The following TTC28 variants were observed in gnomAD, a reference collection of about 807,000 sequenced individuals.
TTC28 encodes tetratricopeptide repeat protein 28.
Under a neutral mutation model 198.0 loss-of-function variants are expected in TTC28, and 61 were observed. The ratio of observed to expected loss-of-function variants is 0.31; its 90% CI spans 0.25 to 0.38. TTC28 has a LOEUF of 0.38. Among genes scored for constraint, TTC28 ranks in the 10% least tolerant of loss-of-function variants. The probability of loss-of-function intolerance (pLI) is 1.00; values close to 1 mark genes in which losing one functional copy is unlikely to be tolerated. For missense variants in TTC28, 2,678 were observed against 3,164.0 expected (o/e 0.85, Z 3.69); for synonymous variants, 1,171 against 1,297.8 (o/e 0.90, Z 2.10).
At chr22:28,678,904 G>A (rs2052044379) in intron 1 of TTC28, among the ~76,000 whole-genome samples, 3 of 152,146 alleles carry the variant, frequency 2.0e-5, no homozygotes, top group Non-Finnish European at 4.4e-5. Context: ...CGGCTTCCCT[G>A]CTGTGGTGAG....
chr22:27,982,348 G>C lies in TTC28; in HGVS notation c.7319C>G (p.Ser2440Trp), dbSNP rs887416829. 6.5e-7 allele frequency: 1 copy of C among 1,546,954 alleles called. No individual in the cohort carries two copies. The highest frequency in any genetic ancestry group is 1.4e-5 in the African/African-American group (1 of 73,088). The change falls in exon 23 of 23, where the codon TCG becomes TGG. Residue 2440 changes from serine (S) to tryptophan (W), a missense_variant. This residue lies in a region of TTC28 where 622 missense variants were observed against 656.0 expected (regional missense o/e 0.95). Coordinates refer to ENST00000397906, the MANE Select transcript of TTC28 (RefSeq NM_001145418.2). The surrounding 1 kb of genome is among the most constrained non-coding windows in gnomAD (Gnocchi z 5.2). ...GGCGGGCAGCGGCAGTGAGCCCAGCGAGGTGGTCTCGGTGCGCCAGTGTCC... is the reference window on the plus strand; with the variant it reads ...GGCGGGCAGCGGCAGTGAGCCCAGCCAGGTGGTCTCGGTGCGCCAGTGTCC... The part of the protein sequence containing the change: ...PNGHWRTETT[S>W]LGSLPLPAGP...
intron 1 of TTC28, among the ~76,000 whole-genome samples, chr22:28,637,244 C>T (rs951682771): frequency 6.6e-6 from 1 of 151,942 alleles, no homozygotes; most frequent in African/African-American, 2.4e-5. Context: ...TCTCCCGACC[C>T]CAGGTGATCC....
intron 5 of TTC28, among the ~76,000 whole-genome samples, chr22:28,180,136 T>A (rs1348710457): frequency 6.6e-6 from 1 of 152,170 alleles, no homozygotes; most frequent in Non-Finnish European, 1.5e-5. Flanking sequence ...GAAAACTGAA[T>A]CATGTTCTTG....
chr22:28,349,390 GTA>G (rs2045957985), intron 2 of TTC28, among the ~76,000 whole-genome samples: 1 of 152,198 alleles, frequency 6.6e-6, no homozygotes, highest in Admixed American at 6.5e-5. Flanking sequence ...ACATTGCTCA[GTA>G]TAGTCACTGA....
At chr22:28,416,697 T>C in intron 2 of TTC28, among the ~76,000 whole-genome samples, 1 of 152,092 alleles carries the variant, frequency 6.6e-6, no homozygotes, top group East Asian at 1.9e-4. Flanking sequence ...CCCTTACCAA[T>C]CTTCACAACC....
intron 1 of TTC28, among the ~76,000 whole-genome samples, chr22:28,646,048 T>C (rs576511312): frequency 3.3e-5 from 5 of 152,028 alleles, no homozygotes; most frequent in African/African-American, 1.2e-4. Flanking sequence ...TTCTATTCAA[T>C]ACAGTACTGA....
chr22:28,261,984 C>T (rs1265678701), intron 5 of TTC28, among the ~76,000 whole-genome samples: 4 of 152,046 alleles, frequency 2.6e-5, no homozygotes, highest in African/African-American at 9.7e-5. Context: ...TAGAAGACTC[C>T]TAACTAAACT....
intron 2 of TTC28, among the ~76,000 whole-genome samples, chr22:28,399,511 G>T (rs935787969): frequency 5.3e-5 from 8 of 151,840 alleles, no homozygotes; most frequent in Admixed American, 4.6e-4. Context: ...GAAACGAGGT[G>T]CCTGGGCTGT....
chr22:28,228,166 TCA>T (rs1928496149), intron 5 of TTC28, among the ~76,000 whole-genome samples: 1 of 151,516 alleles, frequency 6.6e-6, no homozygotes, highest in African/African-American at 2.4e-5. Context: ...GTAAACAAAT[TCA>T]CAGAGACAGA....
At chr22:28,059,744 T>C (rs1460107800) in intron 12 of TTC28, among the ~76,000 whole-genome samples, 7 of 152,052 alleles carry the variant, frequency 4.6e-5, no homozygotes, top group African/African-American at 1.7e-4. Flanking sequence ...TAAATATACA[T>C]TTATGGCTTT....
intron 2 of TTC28, among the ~76,000 whole-genome samples, chr22:28,466,935 G>C (rs911739016): frequency 2.0e-5 from 3 of 151,574 alleles, no homozygotes; most frequent in Non-Finnish European, 2.9e-5. Flanking sequence ...CTTTAATTTA[G>C]AACACATTAA....
chr22:28,550,392 A>G (rs2049643826), intron 2 of TTC28, among the ~76,000 whole-genome samples: 1 of 152,134 alleles, frequency 6.6e-6, no homozygotes, highest in Non-Finnish European at 1.5e-5. Flanking sequence ...CTTAAAGACA[A>G]GACTATTTTA....
At chr22:28,084,654 G>A (rs1209989134) in intron 12 of TTC28, among the ~76,000 whole-genome samples, 1 of 152,194 alleles carries the variant, frequency 6.6e-6, no homozygotes, top group South Asian at 2.1e-4. Flanking sequence ...GAACAAAGCT[G>A]GACGGAGAAT....
intron 2 of TTC28, among the ~76,000 whole-genome samples, chr22:28,627,349 T>C (rs775027056): frequency 2.0e-5 from 3 of 152,144 alleles, no homozygotes; most frequent in Admixed American, 6.6e-5. Context: ...TTGTCATTAA[T>C]GGAGGAACAG....
chr22:28,213,811 C>T (rs1458795947), intron 5 of TTC28, among the ~76,000 whole-genome samples: 2 of 152,018 alleles, frequency 1.3e-5, no homozygotes, highest in African/African-American at 2.4e-5. Context: ...AAAAAGAGCC[C>T]GCATTGCCAA....
intron 5 of TTC28, among the ~76,000 whole-genome samples, chr22:28,199,138 C>T (rs1925652765): frequency 6.6e-6 from 1 of 151,750 alleles, no homozygotes; most frequent in Non-Finnish European, 1.5e-5. Flanking sequence ...TTTCTAAATA[C>T]ACTCTCTAGA....
At position 28,434,825 on chromosome 22, in the gene TTC28, C is replaced by T. The variant is rs549298950; in HGVS notation, c.382-128182G>A. 1.0e-3 allele frequency among the ~76,000 whole-genome samples: 157 copies of T among 152,198 alleles called. 2 individuals are homozygous for T. Among genetic ancestry groups the T allele is most frequent in the South Asian group, 7.1e-3 (34 of 4,814 alleles). Reference sequence around the variant, plus strand: ...ACAATCAGTTCCCACAAAGACCTCCCGGCTCCCAACTCTACCAGGCCCCTA... The same window carrying T: ...ACAATCAGTTCCCACAAAGACCTCCTGGCTCCCAACTCTACCAGGCCCCTA... On this transcript the variant is annotated intron_variant, in intron 2 of 22. Transcript: ENST00000397906.
intron 2 of TTC28, among the ~76,000 whole-genome samples, chr22:28,449,576 GAAGA>G (rs2047749993): frequency 6.6e-6 from 1 of 152,204 alleles, no homozygotes; most frequent in South Asian, 2.1e-4. Flanking sequence ...CTAGAAAGTA[GAAGA>G]AAGGAAATTC....
intron 5 of TTC28, among the ~76,000 whole-genome samples, chr22:28,272,535 T>G (rs1932158980): frequency 6.6e-6 from 1 of 152,176 alleles, no homozygotes; most frequent in Non-Finnish European, 1.5e-5. Context: ...GGTGTAATTC[T>G]AAACAAATAA....
Sources: gnomAD v4.1 joint callset for allele counts (sites outside exome capture counted in the v4.1 genomes callset) on GRCh38, gnomAD v4.1.1 for gene constraint, gnomAD v4.1.1 regional missense constraint, Gnocchi (gnomAD v3.1) non-coding constraint, MANE v1.5 for transcripts, NCBI Gene and HGNC (gene_info 2026-07-23, HGNC 2026-07-21) for gene names.